ARHGAP20: variants seen among roughly 807,000 people sequenced by gnomAD.
ARHGAP20 encodes rho GTPase-activating protein 20.
ARHGAP20 carries 34 observed loss-of-function variants against 73.7 expected under a neutral mutation model. That is an observed-to-expected ratio of 0.46 (90% CI 0.35 to 0.61). The LOEUF (loss-of-function observed/expected upper bound fraction) is 0.61. Among genes scored for constraint, ARHGAP20 ranks in the 20% least tolerant of loss-of-function variants. The pLI, the probability that ARHGAP20 is intolerant of heterozygous loss-of-function variation, is 0.00. For missense variants in ARHGAP20, 1,314 were observed against 1,420.9 expected (o/e 0.92, Z 1.21); for synonymous variants, 523 against 518.2 (o/e 1.01, Z -0.13).
At chr11:110,683,746 A>G (rs1391080434) in intron 2 of ARHGAP20, among the ~76,000 whole-genome samples, 5 of 152,170 alleles carry the variant, frequency 3.3e-5, no homozygotes, top group Non-Finnish European at 5.9e-5. Context: ...TTCACAGATG[A>G]GGAAACTGAG....
chr11:110,603,595 A>T (rs1275158905), intron 9 of ARHGAP20, among the ~76,000 whole-genome samples: 2 of 152,216 alleles, frequency 1.3e-5, no homozygotes, highest in Non-Finnish European at 2.9e-5. Flanking sequence ...TTCAAACTAC[A>T]GTTCGAGTAG....
At chr11:110,589,580 G>C (rs1463849107) in intron 11 of ARHGAP20, 1 of 985,298 alleles carries the variant, frequency 1.0e-6, no homozygotes, top group Admixed American at 6.1e-5. Flanking sequence ...CCTGACACAG[G>C]TCTGCAGAAG....
chr11:110,705,033 G>GT (rs1469509282), intron 1 of ARHGAP20, among the ~76,000 whole-genome samples: 1 of 151,944 alleles, frequency 6.6e-6, no homozygotes, highest in Non-Finnish European at 1.5e-5. Flanking sequence ...ACTTTATAAT[G>GT]TATTTTAGTG....
At chr11:110,587,947 T>C (rs1226477533) in intron 11 of ARHGAP20, among the ~76,000 whole-genome samples, 1 of 152,234 alleles carries the variant, frequency 6.6e-6, no homozygotes, top group Non-Finnish European at 1.5e-5. Flanking sequence ...TTAGCTGCTG[T>C]ACCCACTTTA....
intron 2 of ARHGAP20, among the ~76,000 whole-genome samples, chr11:110,690,215 T>C (rs186192945): frequency 1.3e-5 from 2 of 152,338 alleles, no homozygotes; most frequent in Admixed American, 1.3e-4. Context: ...GATTTAAAAA[T>C]ATGCAAAGTT....
chr11:110,585,743 T>C (rs1203258705), intron 12 of ARHGAP20, among the ~76,000 whole-genome samples: 1 of 152,166 alleles, frequency 6.6e-6, no homozygotes, highest in Non-Finnish European at 1.5e-5. Context: ...AGGACTTAAC[T>C]GTGTCTTTGC....
intron 12 of ARHGAP20, among the ~76,000 whole-genome samples, chr11:110,584,898 T>TATATGTGAATATATGTGA (rs1947584463): frequency 7.1e-6 from 1 of 141,728 alleles, no homozygotes; most frequent in African/African-American, 2.5e-5. Context: ...TAAAAATGAA[T>TATATGTGAATATATGTGA]ATATGTGAAT....
intron 11 of ARHGAP20, chr11:110,589,422 C>T (rs1947763979): frequency 1.0e-6 from 1 of 985,256 alleles, no homozygotes; most frequent in South Asian, 4.7e-5. Flanking sequence ...CTGTAAGCAC[C>T]TGGGCACTCA....
chr11:110,687,035 C>CATATATATATATATAT (rs142490183), intron 2 of ARHGAP20, among the ~76,000 whole-genome samples: 1,256 of 121,780 alleles, frequency 0.01, 39 homozygotes, highest in African/African-American at 0.028. Flanking sequence ...AAGATTAAAA[C>CATATATATATATATAT]ATATATATAT....
At chr11:110,664,933 A>C (rs1949693354) in intron 2 of ARHGAP20, among the ~76,000 whole-genome samples, 1 of 152,120 alleles carries the variant, frequency 6.6e-6, no homozygotes, top group African/African-American at 2.4e-5. Context: ...TTAAGATATC[A>C]ATTCTGCCTC....
Position 110,712,348 on chromosome 11 carries a change from G to T in ARHGAP20, c.-117C>A. On this transcript the variant is annotated 5_prime_UTR_variant, in exon 1 of 15. It adds an upstream start codon to the 5' untranslated region. Coordinates refer to ENST00000683387, the MANE Select transcript of ARHGAP20 (RefSeq NM_001384657.1). ...GAGGCGCGGCTGCCGTGCTCAGGCA[G>T]GGAGCCGAGCTCCGGGTGCTCGCCG... 1.2e-6 allele frequency: 1 copy of T among 837,376 alleles called. No individual in the cohort carries two copies. Among genetic ancestry groups the T allele is most frequent in the Non-Finnish European group, 1.6e-6 (1 of 620,288 alleles). The allele number at this position is 837,376 out of a possible 1,614,324, so 51.9% of individuals were successfully genotyped here.
intron 2 of ARHGAP20, among the ~76,000 whole-genome samples, chr11:110,660,653 C>T (rs1205533595): frequency 6.6e-6 from 1 of 152,144 alleles, no homozygotes; most frequent in African/African-American, 2.4e-5. Context: ...ATATCCTGAC[C>T]TCTCCGCAAA....
intron 2 of ARHGAP20, among the ~76,000 whole-genome samples, chr11:110,643,224 T>C (rs558352000): frequency 2.0e-5 from 3 of 152,088 alleles, no homozygotes; most frequent in Non-Finnish European, 2.9e-5. Context: ...AAAAATCAAC[T>C]TCTGGTTTTA....
chr11:110,611,943 C>T (rs1948375864), intron 6 of ARHGAP20, among the ~76,000 whole-genome samples: 1 of 152,154 alleles, frequency 6.6e-6, no homozygotes, highest in Non-Finnish European at 1.5e-5. Context: ...GTGTCACACA[C>T]TGTGGCCACT....
At chr11:110,647,698 T>C (rs1334478893) in intron 2 of ARHGAP20, among the ~76,000 whole-genome samples, 1 of 152,154 alleles carries the variant, frequency 6.6e-6, no homozygotes, top group Non-Finnish European at 1.5e-5. Context: ...AAAGTAGTTT[T>C]GAAATCAAAG....
chr11:110,601,491 TAG>T (rs1354958923), intron 9 of ARHGAP20, among the ~76,000 whole-genome samples: 2 of 152,334 alleles, frequency 1.3e-5, no homozygotes, highest in East Asian at 3.9e-4. Context: ...TGGTAGAATA[TAG>T]AGTCTTTAGC....
At chr11:110,625,192 C>T (rs55881886) in intron 3 of ARHGAP20, among the ~76,000 whole-genome samples, 24,255 of 149,848 alleles carry the variant, frequency 0.16, 2,405 homozygotes, top group East Asian at 0.31. Flanking sequence ...CGCCCGCCAC[C>T]GCGCCCGGCT....
intron 9 of ARHGAP20, among the ~76,000 whole-genome samples, chr11:110,602,684 G>A (rs967639294): frequency 1.3e-5 from 2 of 152,144 alleles, no homozygotes; most frequent in African/African-American, 4.8e-5. Context: ...CTTTTAGTGA[G>A]AATAGATAAT....
intron 9 of ARHGAP20, among the ~76,000 whole-genome samples, chr11:110,605,611 C>T (rs752391583): frequency 5.9e-5 from 9 of 152,132 alleles, no homozygotes; most frequent in Non-Finnish European, 8.8e-5. Context: ...AGTTGTTCTG[C>T]AATGAAGATA....
Sources: allele counts gnomAD v4.1 joint callset (sites outside exome capture counted in the v4.1 genomes callset), GRCh38; gene constraint gnomAD v4.1.1; transcripts MANE v1.5; gene names NCBI Gene and HGNC (gene_info 2026-07-23, HGNC 2026-07-21).